Variants in CAMKMT observed in about 807,000 individuals in gnomAD.
CAMKMT encodes CaM KMT.
A neutral mutation model predicts 48.0 loss-of-function variants in CAMKMT; 53 were observed. The observed-to-expected ratio is 1.10, with a 90% CI of 0.89 to 1.39. The LOEUF (loss-of-function observed/expected upper bound fraction) is 1.39, where lower values mean the gene tolerates loss of function less well. CAMKMT is among the 40% of genes most tolerant of loss of function. The pLI, the probability that CAMKMT is intolerant of heterozygous loss-of-function variation, is 0.00. For synonymous variants in CAMKMT, 165 were observed against 152.3 expected, an observed-to-expected ratio of 1.08 and a Z score of -0.61; for missense variants, 428 against 402.7, an observed-to-expected ratio of 1.06 and a Z score of -0.54.
intron 7 of CAMKMT, among the ~76,000 whole-genome samples, chr2:44,739,011 T>A (rs1400664914): frequency 1.3e-5 from 2 of 152,164 alleles, no homozygotes; most frequent in African/African-American, 4.8e-5. Flanking sequence ...GAGGCCAGTG[T>A]TACTAGAGCA....
intron 10 of CAMKMT, among the ~76,000 whole-genome samples, chr2:44,770,092 G>A (rs1681041333): frequency 1.3e-5 from 2 of 152,270 alleles, no homozygotes; most frequent in South Asian, 4.1e-4. Context: ...TTTGATATTT[G>A]TCAAAATTGT....
At chr2:44,362,786 A>G (rs1274603778) in intron 1 of CAMKMT, among the ~76,000 whole-genome samples, 2 of 152,184 alleles carry the variant, frequency 1.3e-5, no homozygotes, top group Admixed American at 1.3e-4. Context: ...TCGTTTTTGA[A>G]TGATGGTATC....
chr2:44,503,725 C>T (rs1465350216), intron 3 of CAMKMT, among the ~76,000 whole-genome samples: 1 of 152,086 alleles, frequency 6.6e-6, no homozygotes, highest in Admixed American at 6.6e-5. Context: ...TTCAAGCACG[C>T]TGTTCTTAGA....
At chr2:44,609,081 C>G (rs72882959) in intron 3 of CAMKMT, among the ~76,000 whole-genome samples, 3,258 of 152,274 alleles carry the variant, frequency 0.021, 95 homozygotes, top group African/African-American at 0.066. Context: ...TGCTTTTCCA[C>G]TTGTTCCTAG....
intron 3 of CAMKMT, among the ~76,000 whole-genome samples, chr2:44,522,714 G>C (rs564273106): frequency 6.6e-6 from 1 of 152,322 alleles, no homozygotes; most frequent in African/African-American, 2.4e-5. Context: ...TGTCTGAAGA[G>C]TCTGGGAATG....
chr2:44,456,726 A>G (rs1382244227), intron 3 of CAMKMT: 8 of 888,224 alleles, frequency 9.0e-6, no homozygotes, highest in Admixed American at 3.0e-5. Flanking sequence ...CATTACAATC[A>G]TAGCAGAAAT....
intron 2 of CAMKMT, among the ~76,000 whole-genome samples, chr2:44,382,268 ATCTTT>A (rs1026601605): frequency 6.6e-6 from 1 of 151,634 alleles, no homozygotes; most frequent in African/African-American, 2.4e-5. Flanking sequence ...GCTCATTTTC[ATCTTT>A]TCTTAGTATT....
chr2:44,575,157 C>T (rs904253626), intron 3 of CAMKMT, among the ~76,000 whole-genome samples: 1 of 152,118 alleles, frequency 6.6e-6, no homozygotes, highest in Non-Finnish European at 1.5e-5. Flanking sequence ...CGGCTCACTG[C>T]AACCTCCGTC....
intron 3 of CAMKMT, among the ~76,000 whole-genome samples, chr2:44,471,081 G>A (rs373791424): frequency 1.8e-4 from 25 of 137,880 alleles, no homozygotes; most frequent in African/African-American, 6.3e-4. Context: ...TGCAACCTCC[G>A]CCTTCCGATT....
chr2:44,652,825 T>G (rs1674156579), intron 3 of CAMKMT, among the ~76,000 whole-genome samples: 1 of 152,138 alleles, frequency 6.6e-6, no homozygotes, highest in Admixed American at 6.5e-5. Context: ...GCTGGACAAT[T>G]GACATCCACT....
At chr2:44,432,967 C>T (rs1261966137) in intron 3 of CAMKMT, among the ~76,000 whole-genome samples, 1 of 152,054 alleles carries the variant, frequency 6.6e-6, no homozygotes. Context: ...GGTAAATGCT[C>T]AGTAAATATC....
chr2:44,478,042 T>G (rs1383828009), intron 3 of CAMKMT, among the ~76,000 whole-genome samples: 2 of 152,236 alleles, frequency 1.3e-5, no homozygotes, highest in African/African-American at 4.8e-5. Context: ...ATAGATTTAA[T>G]GTGTAAAATT....
In CAMKMT at chr2:44,535,874, A is replaced by G. The variant is rs907708055; in HGVS notation, c.376+145569A>G. On this transcript the variant is annotated intron_variant, in intron 3 of 10. Transcript: ENST00000378494. The stretch of plus-strand genomic sequence containing the variant: ...ACCACTCCTATTCAACATAGGAACA[A>G]TCAGGCAAGAGGAAGAATTAAAAGC... Among the ~76,000 whole-genome samples the G allele has an allele frequency of 2.6e-5, 4 of 152,174 alleles. No homozygotes were observed. In the South Asian group the frequency reaches 6.2e-4, roughly 24 times the overall value.
chr2:44,466,930 T>C (rs1668145862), intron 3 of CAMKMT, among the ~76,000 whole-genome samples: 2 of 151,944 alleles, frequency 1.3e-5, no homozygotes, highest in Admixed American at 6.6e-5. Flanking sequence ...TCTAGAAACA[T>C]ATAACCTACC....
intron 3 of CAMKMT, among the ~76,000 whole-genome samples, chr2:44,413,579 G>A (rs1453469131): frequency 6.6e-6 from 1 of 151,714 alleles, no homozygotes; most frequent in Non-Finnish European, 1.5e-5. Flanking sequence ...TTGAACTGGG[G>A]CGGTAGAGGT....
rs143174680 is a variant in CAMKMT, at chr2:44,514,885, C to T, written c.376+124580C>T. On this transcript the variant is annotated intron_variant, in intron 3 of 10. Coordinates refer to ENST00000378494, the MANE Select transcript of CAMKMT (RefSeq NM_024766.5). ...ATATATAAAAGGAATATGATGGATA[C>T]TCATAAATCATAGGATATGGCTGCT... Among the ~76,000 whole-genome samples, 595 of 152,298 alleles carry T rather than the reference C, an allele frequency of 3.9e-3. 2 individuals carry two copies. The highest frequency in any genetic ancestry group is 0.013 in the African/African-American group (560 of 41,558).
intron 3 of CAMKMT, among the ~76,000 whole-genome samples, chr2:44,700,178 T>C (rs945064293): frequency 6.6e-6 from 1 of 152,212 alleles, no homozygotes; most frequent in Admixed American, 6.5e-5. Context: ...CCTTCAGCCT[T>C]CATAGAATTG....
chr2:44,373,395 A>G (rs1679370851), intron 2 of CAMKMT, among the ~76,000 whole-genome samples: 1 of 152,214 alleles, frequency 6.6e-6, no homozygotes, highest in Non-Finnish European at 1.5e-5. Context: ...TCTGACTTTA[A>G]AAATCATTAG....
At chr2:44,389,403 A>G (rs1404069025) in intron 2 of CAMKMT, among the ~76,000 whole-genome samples, 3 of 152,228 alleles carry the variant, frequency 2.0e-5, no homozygotes, top group East Asian at 3.8e-4. Context: ...AATTCTATAT[A>G]TCACTTATGA....
Sources: allele counts gnomAD v4.1 joint callset (sites outside exome capture counted in the v4.1 genomes callset), GRCh38; gene constraint gnomAD v4.1.1; transcripts MANE v1.5; gene names NCBI Gene and HGNC (gene_info 2026-07-23, HGNC 2026-07-21).